Variants in PDZRN3 observed in about 807,000 individuals in gnomAD.
PDZRN3 encodes PDZ domain containing ring finger 3, also known as E3 ubiquitin-protein ligase PDZRN3.
PDZRN3 carries 38 observed loss-of-function variants against 85.7 expected under a neutral mutation model. The ratio of observed to expected loss-of-function variants is 0.44; its 90% CI spans 0.34 to 0.58. The LOEUF is 0.58. PDZRN3 is among the 20% of genes least tolerant of loss of function. The probability of loss-of-function intolerance (pLI) is 0.01; values close to 1 mark genes in which losing one functional copy is unlikely to be tolerated. For missense variants in PDZRN3, 1,629 were observed against 1,506.4 expected, an observed-to-expected ratio of 1.08 and a Z score of -1.35; for synonymous variants, 759 against 638.0, an observed-to-expected ratio of 1.19 and a Z score of -2.86.
At chr3:73,584,455 GTGTGTGTGT>G (rs1559748415) in intron 3 of PDZRN3, among the ~76,000 whole-genome samples, 9 of 47,948 alleles carry the variant, frequency 1.9e-4, no homozygotes, top group African/African-American at 6.7e-4. Flanking sequence ...ATTTAATGGT[GTGTGTGTGT>G]GTGTGTGTGT....
intron 6 of PDZRN3, among the ~76,000 whole-genome samples, chr3:73,390,652 T>TGAGA (rs1701503668): frequency 1.6e-5 from 2 of 127,832 alleles, no homozygotes; most frequent in African/African-American, 6.1e-5. Flanking sequence ...TGTGTGTGTG[T>TGAGA]GTGAGAGAGA....
chr3:73,484,101 G>A (rs904401453), intron 3 of PDZRN3, among the ~76,000 whole-genome samples: 1 of 152,146 alleles, frequency 6.6e-6, no homozygotes, highest in Admixed American at 6.6e-5. Flanking sequence ...ATAAGGAGGG[G>A]ATGATATGAG....
chr3:73,404,512 T>C, intron 3 of PDZRN3, 117 bp from the exon 4 acceptor site: 1 of 1,131,096 alleles, frequency 8.8e-7, no homozygotes, highest in South Asian at 1.5e-5. Context: ...CAGGTGGTGG[T>C]GTCAGAGAAC....
intron 3 of PDZRN3, among the ~76,000 whole-genome samples, chr3:73,526,021 C>T (rs1018642574): frequency 1.3e-5 from 2 of 152,118 alleles, no homozygotes; most frequent in Non-Finnish European, 2.9e-5. Flanking sequence ...GGTAGATTGT[C>T]GGCTCCCAAT....
chr3:73,556,274 T>G (rs1333084408), intron 3 of PDZRN3, among the ~76,000 whole-genome samples: 3 of 152,048 alleles, frequency 2.0e-5, no homozygotes, highest in Non-Finnish European at 4.4e-5. Flanking sequence ...CAAAAATGGT[T>G]TCAGAAACTA....
chr3:73,596,188 A>T (rs1487323559), intron 3 of PDZRN3, among the ~76,000 whole-genome samples: 2 of 152,190 alleles, frequency 1.3e-5, no homozygotes, highest in African/African-American at 4.8e-5. Context: ...TGTGACCACC[A>T]AATTATAAAA....
At chr3:73,579,921 A>C (rs937083532) in intron 3 of PDZRN3, among the ~76,000 whole-genome samples, 2 of 152,134 alleles carry the variant, frequency 1.3e-5, no homozygotes, top group Non-Finnish European at 2.9e-5. Flanking sequence ...AAAATGTGTA[A>C]GTTCAAATCT....
chr3:73,490,511 G>C (rs1032520746), intron 3 of PDZRN3, among the ~76,000 whole-genome samples: 4 of 152,160 alleles, frequency 2.6e-5, no homozygotes, highest in African/African-American at 9.7e-5. Context: ...TCTACATCAC[G>C]GCAAATGTGG....
rs139191795 is a variant in PDZRN3 at position 73,463,983 on chromosome 3, T to A, written c.919-59588A>T. 4.1e-3 allele frequency among the ~76,000 whole-genome samples: 617 copies of A among 152,250 alleles called. 5 individuals are homozygous for A. Among genetic ancestry groups the A allele is most frequent in the Admixed American group, 5.9e-3 (90 of 15,294 alleles). Reference sequence around the variant, plus strand: ...AAAGTGCTATGTATTCTTTTTTATTTTTTATTTATTTATTTATTTTGAGAC... The same window carrying A: ...AAAGTGCTATGTATTCTTTTTTATTATTTATTTATTTATTTATTTTGAGAC... On this transcript the variant is annotated intron_variant, in intron 3 of 9. Coordinates refer to ENST00000263666, the MANE Select transcript of PDZRN3 (RefSeq NM_015009.3).
chr3:73,592,291 C>T (rs1702368645), intron 3 of PDZRN3, among the ~76,000 whole-genome samples: 1 of 152,154 alleles, frequency 6.6e-6, no homozygotes, highest in African/African-American at 2.4e-5. Flanking sequence ...TGCTCCACCC[C>T]AGAGTGTCTC....
chr3:73,558,474 T>C (rs191617413), intron 3 of PDZRN3, among the ~76,000 whole-genome samples: 37 of 152,308 alleles, frequency 2.4e-4, no homozygotes, highest in Admixed American at 1.2e-3. Context: ...AAAACAGATA[T>C]ATAGGCAAAA....
At chr3:73,390,654 T>TGTGTGTGTGTGA (rs36036904) in intron 6 of PDZRN3, among the ~76,000 whole-genome samples, 5,036 of 139,938 alleles carry the variant, frequency 0.036, 94 homozygotes, top group Middle Eastern at 0.058. Flanking sequence ...TGTGTGTGTG[T>TGTGTGTGTGTGA]GAGAGAGAGA....
At chr3:73,478,218 G>A (rs973185407) in intron 3 of PDZRN3, among the ~76,000 whole-genome samples, 8 of 152,240 alleles carry the variant, frequency 5.3e-5, no homozygotes, top group Admixed American at 3.9e-4. Flanking sequence ...TTAGTAACTG[G>A]GCCTCACAGC....
intron 3 of PDZRN3, among the ~76,000 whole-genome samples, chr3:73,531,661 T>C (rs1463542446): frequency 6.6e-6 from 1 of 152,210 alleles, no homozygotes; most frequent in Non-Finnish European, 1.5e-5. Flanking sequence ...AGGGACTGCC[T>C]TCCTGGTCCA....
intron 3 of PDZRN3, among the ~76,000 whole-genome samples, chr3:73,560,408 A>C (rs181913671): frequency 3.4e-3 from 512 of 152,280 alleles, no homozygotes; most frequent in Non-Finnish European, 5.8e-3. Flanking sequence ...CCAACTATAT[A>C]AGGGTGTGTT....
At chr3:73,576,109 C>G (rs1702119742) in intron 3 of PDZRN3, among the ~76,000 whole-genome samples, 2 of 146,062 alleles carry the variant, frequency 1.4e-5, no homozygotes, top group East Asian at 4.0e-4. Flanking sequence ...CATGCATACT[C>G]TCTCTCACAC....
rs1237797450 is a variant in PDZRN3 at position 73,383,467 on chromosome 3, G to T, written c.3099C>A (p.Ile1033=). 1 of 1,614,202 alleles carries T rather than the reference G, an allele frequency of 6.2e-7. No individual in the cohort carries two copies. Among genetic ancestry groups the T allele is most frequent in the Middle Eastern group, 1.6e-4 (1 of 6,062 alleles). Residue 1033 remains isoleucine (I), a synonymous_variant, in exon 10 of 10, where the codon ATC becomes ATA. Coordinates refer to ENST00000263666, the MANE Select transcript of PDZRN3 (RefSeq NM_015009.3). ...CTTGGATCGTCATCCAGTTATCGAA[G>T]ATTTTCTTATTCCTCTTCTTCATCA... is the stretch of plus-strand genomic sequence containing the variant. ...KKMMKKRNKK[I]FDNWMTIQEL...
chr3:73,383,409 CG>C lies in PDZRN3; in HGVS notation c.3156del (p.Asp1052GlufsTer12). On this transcript the variant is annotated frameshift_variant, in exon 10 of 10. Coordinates refer to ENST00000263666, the MANE Select transcript of PDZRN3 (RefSeq NM_015009.3). LOFTEE classifies it high-confidence loss of function. ...AGGAAGGAATTGTATACTCTAGTGC[CG>C]TCCGGGGATTTTGTGCCGTGGGTTA... The part of the protein sequence containing the change: ...ELLTHGTKSP[D>X]GTRVYNSFLS... 1.2e-6 allele frequency: 2 copies of C among 1,613,774 alleles called. No individual in the cohort carries two copies. The highest frequency in any genetic ancestry group is 1.7e-6 in the Non-Finnish European group (2 of 1,179,792).
intron 3 of PDZRN3, among the ~76,000 whole-genome samples, chr3:73,581,931 T>G (rs1372584460): frequency 1.3e-5 from 2 of 152,014 alleles, no homozygotes; most frequent in Non-Finnish European, 2.9e-5. Flanking sequence ...AAACCCCATC[T>G]CTACAAAACA....
Sources: gnomAD v4.1 joint callset for allele counts (sites outside exome capture counted in the v4.1 genomes callset) on GRCh38, gnomAD v4.1.1 for gene constraint, MANE v1.5 for transcripts, NCBI Gene and HGNC (gene_info 2026-07-23, HGNC 2026-07-21) for gene names.